DLG2: variants seen among roughly 807,000 people sequenced by gnomAD.
The protein encoded by DLG2 is discs large MAGUK scaffold protein 2.
In DLG2, 45 loss-of-function variants were observed where a neutral mutation model predicts 132.5. That is an observed-to-expected ratio of 0.34 (90% CI 0.27 to 0.44). The LOEUF (loss-of-function observed/expected upper bound fraction) is 0.44, where lower values mean the gene tolerates loss of function less well. Among genes scored for constraint, DLG2 ranks in the 20% least tolerant of loss-of-function variants. DLG2 has a pLI of 1.00. For synonymous variants in DLG2, 424 were observed against 419.6 expected (o/e 1.01, Z -0.13); for missense variants, 1,045 against 1,196.9 (o/e 0.87, Z 1.87).
At chr11:84,922,150 A>G (rs1057125831) in intron 6 of DLG2, among the ~76,000 whole-genome samples, 1 of 152,100 alleles carries the variant, frequency 6.6e-6, no homozygotes, top group African/African-American at 2.4e-5. Flanking sequence ...GTAAAATAAA[A>G]AGGGGAAACA....
chr11:84,720,451 G>T, intron 6 of DLG2: 1 of 985,348 alleles, frequency 1.0e-6, no homozygotes, highest in Non-Finnish European at 1.2e-6. Flanking sequence ...CGCTGTGCTC[G>T]CCGGGCACAT....
rs549228610 is a variant in DLG2 at position 84,365,325 on chromosome 11, G to C, written c.520-114034C>G. On this transcript the variant is annotated intron_variant, in intron 7 of 27. Transcript: ENST00000376104. The stretch of plus-strand genomic sequence containing the variant: ...AGAGGTGTTTGTAGTATTCTCTGAT[G>C]GTAGTTTGTATTTCTGTGGGATCGG... Among the ~76,000 whole-genome samples, 7 of 152,064 alleles carry C rather than the reference G, an allele frequency of 4.6e-5. 1 individual carries two copies. The East Asian group carries it at 1.4e-3, about 29-fold the overall frequency.
chr11:83,960,173 C>G (rs1374653993), intron 14 of DLG2, among the ~76,000 whole-genome samples: 2 of 152,072 alleles, frequency 1.3e-5, no homozygotes, highest in Admixed American at 1.3e-4. Context: ...AATGCCTACA[C>G]AGTTTTCAAG....
At chr11:84,265,575 A>G (rs2097611799) in intron 7 of DLG2, among the ~76,000 whole-genome samples, 1 of 152,184 alleles carries the variant, frequency 6.6e-6, no homozygotes, top group Admixed American at 6.5e-5. Flanking sequence ...TAATTTTCAT[A>G]TAACTACTAT....
In DLG2 at chr11:84,505,913, C is replaced by T. The variant is rs75989603; in HGVS notation, c.519+28657G>A. On this transcript the variant is annotated intron_variant, in intron 7 of 27. Transcript: ENST00000376104. ...TTGTAGTAGGCCGAAGAAAGTTCCCCTAAAAATGTCCACATTCCTGAAGGT... is the reference window on the plus strand; with the variant it reads ...TTGTAGTAGGCCGAAGAAAGTTCCCTTAAAAATGTCCACATTCCTGAAGGT... 5.3e-5 allele frequency among the ~76,000 whole-genome samples: 8 copies of T among 152,056 alleles called. No individual in the cohort carries two copies. In the East Asian group the frequency reaches 1.5e-3, roughly 29 times the overall value.
intron 6 of DLG2, among the ~76,000 whole-genome samples, chr11:84,591,110 T>A (rs1211069463): frequency 6.6e-6 from 1 of 152,104 alleles, no homozygotes; most frequent in African/African-American, 2.4e-5. Context: ...AGCTCTGATG[T>A]ATTGCTGCAA....
chr11:85,422,958 C>T (rs944974255), intron 3 of DLG2, among the ~76,000 whole-genome samples: 21 of 85,264 alleles, frequency 2.5e-4, no homozygotes, highest in Admixed American at 2.3e-3. Flanking sequence ...GGGATTTCTT[C>T]TTGGTTTGGG....
rs543027256 is a variant in DLG2 at position 84,200,767 on chromosome 11, G to C, written c.574-37256C>G. On this transcript the variant is annotated intron_variant, in intron 8 of 27. Transcript: ENST00000376104. ...TCTGCTTGCCTGTTGTCGGTTTAAAGGAATGCTAGTGAATTTTGCACATTG... is the reference window on the plus strand; with the variant it reads ...TCTGCTTGCCTGTTGTCGGTTTAAACGAATGCTAGTGAATTTTGCACATTG... 2.0e-5 allele frequency among the ~76,000 whole-genome samples: 3 copies of C among 152,140 alleles called. No homozygotes were observed. The South Asian group carries it at 6.2e-4, about 32-fold the overall frequency.
intron 3 of DLG2, among the ~76,000 whole-genome samples, chr11:85,549,578 G>A (rs941374895): frequency 6.6e-6 from 1 of 152,218 alleles, no homozygotes; most frequent in Non-Finnish European, 1.5e-5. Flanking sequence ...ACTCCATCTT[G>A]TATAGGGGCT....
chr11:84,797,056 A>G (rs2074724122), intron 6 of DLG2, among the ~76,000 whole-genome samples: 1 of 152,094 alleles, frequency 6.6e-6, no homozygotes, highest in Admixed American at 6.6e-5. Flanking sequence ...CATGTTGGTC[A>G]GGCTGGTCTA....
intron 4 of DLG2, among the ~76,000 whole-genome samples, chr11:85,195,625 G>T: frequency 6.7e-6 from 1 of 150,324 alleles, no homozygotes. Context: ...CAGGGTTCAC[G>T]TCATTCTCCT....
intron 7 of DLG2, among the ~76,000 whole-genome samples, chr11:84,441,885 C>T (rs1240959418): frequency 6.6e-6 from 1 of 152,122 alleles, no homozygotes; most frequent in Non-Finnish European, 1.5e-5. Context: ...ATCCTTTCCC[C>T]ATTGCTTGTT....
Position 85,325,431 on chromosome 11 carries a change from G to A in DLG2, c.41-40066C>T, listed in dbSNP as rs1348188825. On this transcript the variant is annotated intron_variant, in intron 3 of 27. Transcript: ENST00000376104. ...AGCACACAGCTGGAGATCTGAGAAC[G>A]GGCAGACTGCCTCCTCAAGTGGGTC... Among the ~76,000 whole-genome samples, 32 of 143,422 alleles carry A rather than the reference G, an allele frequency of 2.2e-4. No individual in the cohort carries two copies. The East Asian group carries it at 3.4e-3, about 15-fold the overall frequency. The allele number at this position is 143,422 out of a possible 152,430, so 94.1% of individuals were successfully genotyped here. A position where few individuals can be genotyped will look rare whatever the true frequency, so the allele number is the denominator to read the frequency against.
At chr11:84,112,896 T>C (rs1229670260) in intron 9 of DLG2, among the ~76,000 whole-genome samples, 1 of 152,228 alleles carries the variant, frequency 6.6e-6, no homozygotes. Flanking sequence ...ACAATTCTCT[T>C]AAGTTTTCTG....
At chr11:84,981,854 C>A (rs1191154742) in intron 6 of DLG2, among the ~76,000 whole-genome samples, 1 of 152,050 alleles carries the variant, frequency 6.6e-6, no homozygotes, top group Non-Finnish European at 1.5e-5. Flanking sequence ...CAGGCATCTA[C>A]CCCCTCACTC....
At position 85,462,145 on chromosome 11, in the gene DLG2, G is replaced by C. The variant is rs11234347; in HGVS notation, c.40+136512C>G. Among the ~76,000 whole-genome samples, 222 of 152,292 alleles carry C rather than the reference G, an allele frequency of 1.5e-3. 2 individuals are homozygous for C. In the East Asian group the frequency reaches 0.032, roughly 22 times the overall value. ...AGAATGGCAATCATTAAAAAGTCAG[G>C]AAACAATAGGTGCTGGAGAGGATGT... On this transcript the variant is annotated intron_variant, in intron 3 of 27. Transcript: ENST00000376104.
chr11:84,469,167 T>C (rs1045955647), intron 7 of DLG2, among the ~76,000 whole-genome samples: 4 of 151,690 alleles, frequency 2.6e-5, no homozygotes, highest in African/African-American at 9.7e-5. Flanking sequence ...GAAGGTTTTA[T>C]TCTGGTATAG....
chr11:83,573,398 A>AATT (rs2096830028), intron 19 of DLG2, among the ~76,000 whole-genome samples: 4 of 152,164 alleles, frequency 2.6e-5, no homozygotes, highest in African/African-American at 9.7e-5. Flanking sequence ...AGAGTAATAT[A>AATT]ATTACATATT....
intron 12 of DLG2, among the ~76,000 whole-genome samples, chr11:83,972,476 A>G (rs1437382113): frequency 6.6e-6 from 1 of 152,128 alleles, no homozygotes; most frequent in Non-Finnish European, 1.5e-5. Flanking sequence ...CTTTATGTAG[A>G]AATTATCAAT....
Sources: gnomAD v4.1 joint callset for allele counts (sites outside exome capture counted in the v4.1 genomes callset) on GRCh38, gnomAD v4.1.1 for gene constraint, MANE v1.5 for transcripts, NCBI Gene and HGNC (gene_info 2026-07-23, HGNC 2026-07-21) for gene names.